The following PLOD3 variants were observed in gnomAD, a reference collection of about 807,000 sequenced individuals.
PLOD3 encodes the protein multifunctional procollagen lysine hydroxylase and glycosyltransferase LH3.
Under a neutral mutation model 96.9 loss-of-function variants are expected in PLOD3, and 73 were observed. The observed-to-expected ratio is 0.75, with a 90% CI of 0.62 to 0.92. The LOEUF (loss-of-function observed/expected upper bound fraction) is 0.92. Among genes scored for constraint, PLOD3 ranks in the 40% least tolerant of loss-of-function variants. The pLI, the probability that PLOD3 is intolerant of heterozygous loss-of-function variation, is 0.00. For synonymous variants in PLOD3, 454 were observed against 413.7 expected, an observed-to-expected ratio of 1.10 and a Z score of -1.18; for missense variants, 1,004 against 1,004.3, an observed-to-expected ratio of 1.00 and a Z score of 0.00.
chr7:101,212,263 C>A lies in PLOD3; in HGVS notation c.1117G>T (p.Asp373Tyr). Residue 373 changes from aspartate (D) to tyrosine (Y), a missense_variant, in exon 10 of 19, where the codon GAC becomes TAC. Physicochemically the swap from Asp to Tyr is radical, Grantham distance 160. Around this residue, in one of 5 missense-constraint regions of PLOD3, gnomAD observed 690 missense variants for 650.2 expected, o/e 1.06. Coordinates refer to ENST00000223127, the MANE Select transcript of PLOD3 (RefSeq NM_001084.5). ...CAAGCACCCGCTCACATGGCCATGT[C>A]CCTGGCCTCGCCTGGGCTCAGAGCC... The part of the protein sequence containing the change: ...EEALSPGEAR[D>Y]MAMDLCRQDP... 11 of 1,613,010 alleles carry A rather than the reference C, an allele frequency of 6.8e-6. No individual in the cohort carries two copies. The highest frequency in any genetic ancestry group is 9.3e-6 in the Non-Finnish European group (11 of 1,179,954).
intron 1 of PLOD3, 95 bp downstream of exon 1, chr7:101,217,071 G>A: frequency 2.3e-6 from 3 of 1,308,978 alleles, no homozygotes; most frequent in Non-Finnish European, 3.1e-6. Context: ...GGACGGGCCA[G>A]ACACCTCCTC....
rs375480680 is a variant in PLOD3, at chr7:101,210,314, G to T, written c.1614+17C>A. 12 of 1,598,478 alleles carry T rather than the reference G, an allele frequency of 7.5e-6. No homozygotes were observed. The highest frequency in any genetic ancestry group is 1.0e-5 in the Non-Finnish European group (12 of 1,166,190). On this transcript the variant is annotated intron_variant, in intron 14 of 18. Transcript: ENST00000223127. ...GGCGGGGAACCTGTGTGCTCTGGGC[G>T]TGGGGTCCCCACTCACGACGGGGTT...
At chr7:101,213,404 C>A (rs985842556) in intron 6 of PLOD3, 200 bp from the exon 7 acceptor site, 136 of 629,392 alleles carry the variant, frequency 2.2e-4, no homozygotes, top group Non-Finnish European at 3.1e-4. Flanking sequence ...CTACTACCTG[C>A]GTGATCACAC....
In PLOD3 at chr7:101,211,027, C is replaced by T. The variant is rs557148357; in HGVS notation, c.1359-354G>A. The stretch of plus-strand genomic sequence containing the variant: ...TCCCAAATAGCTGGGATTAGAGGTG[C>T]CAGCCACCATGCCCGGCTGATTTTT... On this transcript the variant is annotated intron_variant, in intron 12 of 18. Transcript: ENST00000223127. 45 of 293,746 alleles carry T rather than the reference C, an allele frequency of 1.5e-4. 1 individual carries two copies. Among genetic ancestry groups the T allele is most frequent in the African/African-American group, 9.4e-4 (43 of 45,964 alleles). 18.2% of individuals were successfully genotyped at this position (293,746 alleles called of 1,614,324 possible).
intron 18 of PLOD3, 112 bp from the exon 19 acceptor site, chr7:101,206,548 G>C: frequency 9.2e-7 from 1 of 1,089,888 alleles, no homozygotes; most frequent in Non-Finnish European, 1.4e-6. Context: ...GCAGACCGGG[G>C]TGACAAGGGA....
intron 7 of PLOD3, 22 bp from the exon 8 acceptor site, chr7:101,212,965 T>C (rs374393713): frequency 7.1e-6 from 11 of 1,558,182 alleles, no homozygotes; most frequent in Non-Finnish European, 8.9e-6. Flanking sequence ...AGACTGAGGC[T>C]GAGTGGCTGA....
intron 6 of PLOD3, among the ~76,000 whole-genome samples, chr7:101,214,807 G>A (rs766097187): frequency 2.0e-5 from 3 of 152,054 alleles, no homozygotes; most frequent in African/African-American, 4.8e-5. Flanking sequence ...ACTGCACTCC[G>A]GCCCGGGCAA....
At position 101,210,105 on chromosome 7, in the gene PLOD3, T is replaced by C; in HGVS notation, c.1671A>G (p.Gly557=). ...ENYSRALEGE[G]IVEQPCPDVY... is the part of the protein sequence containing the mutation. ...TGCGTGGGCTCACCTGCTCCACGAT[T>C]CCTTCCCCTTCCAGGGCCCGGCTGT... Residue 557 remains glycine, a synonymous_variant, in exon 15 of 19, where the codon GGA becomes GGG. Transcript: ENST00000223127. 2 of 1,599,744 alleles carry C rather than the reference T, an allele frequency of 1.3e-6. No homozygotes were observed. Among genetic ancestry groups the C allele is most frequent in the Non-Finnish European group, 1.7e-6 (2 of 1,173,334 alleles).
At chr7:101,209,890 T>C (rs746117352) in intron 15 of PLOD3, 2 of 574,916 alleles carry the variant, frequency 3.5e-6, no homozygotes, top group Non-Finnish European at 6.2e-6. Context: ...GTATACCCAA[T>C]ATACAGGAGA....
In PLOD3 at chr7:101,216,192, C is replaced by A; in HGVS notation, c.473G>T (p.Gly158Val). Residue 158 changes from glycine (G) to valine (V), a missense_variant, in exon 4 of 19, where the codon GGC becomes GTC. Gly to Val is a moderately radical substitution (Grantham distance 109, BLOSUM62 -3). Around this residue, in one of 5 missense-constraint regions of PLOD3, gnomAD observed 690 missense variants for 650.2 expected, o/e 1.06. Coordinates refer to ENST00000223127, the MANE Select transcript of PLOD3 (RefSeq NM_001084.5). ...WGLAEQYPEV[G>V]TGKRFLNSGG... is the part of the protein sequence containing the mutation. ...AGAATTGAGGAAGCGCTTCCCCGTG[C>A]CCACCTCAGGGTACTGCTCCGCCAG... The A allele has an allele frequency of 6.2e-7, 1 of 1,614,046 alleles. No homozygotes were observed.
intron 7 of PLOD3, 64 bp from the exon 8 acceptor site, chr7:101,213,007 C>A: frequency 7.0e-7 from 1 of 1,423,170 alleles, no homozygotes; most frequent in Non-Finnish European, 9.9e-7. Context: ...GGGTCAGGCA[C>A]CTCTGATATG....
chr7:101,216,302 G>T lies in PLOD3; in HGVS notation c.363C>A (p.Ser121Arg). 1.2e-6 allele frequency: 2 copies of T among 1,613,304 alleles called. No homozygotes were observed. Among genetic ancestry groups the T allele is most frequent in the East Asian group, 2.2e-5 (1 of 44,872 alleles). ...CGAACTTCTTCAGCAGCTCTGTGGG[G>T]CTGCCGGCCAGAATCACGTCGTAGC... ...VDSYDVILAG[S>R]PTELLKKFVQ... The change falls in exon 4 of 19, where the codon AGC (serine) becomes AGA (arginine). Residue 121 changes from serine to arginine, a missense_variant. Ser to Arg is a moderately radical substitution (Grantham distance 110). This residue lies in a region of PLOD3 where 690 missense variants were observed against 650.2 expected (regional missense o/e 1.06). Coordinates refer to ENST00000223127, the MANE Select transcript of PLOD3 (RefSeq NM_001084.5).
In PLOD3 at chr7:101,212,846, C is replaced by T. The variant is rs751775730; in HGVS notation, c.875G>A (p.Gly292Glu). Reference sequence around the variant, plus strand: ...TCCCTGGCACCCCCACCTCACCTGCCCCCCCGGGAGTGTCCTCCGGTCCTG... The same window carrying T: ...TCCCTGGCACCCCCACCTCACCTGCTCCCCCGGGAGTGTCCTCCGGTCCTG... The part of the protein sequence containing the change: ...CNQDRRTLPG[G>E]QPPPRVFLAV... Residue 292 changes from glycine to glutamate, a missense_variant, in exon 8 of 19, where the codon GGG becomes GAG. By Grantham distance (98) the Gly-to-Glu change is moderately conservative (BLOSUM62 -2). Transcript: ENST00000223127. The T allele has an allele frequency of 7.4e-6, 12 of 1,610,816 alleles. No homozygotes were observed. Among genetic ancestry groups the T allele is most frequent in the Non-Finnish European group, 9.3e-6 (11 of 1,177,590 alleles).
chr7:101,216,617 C>T (rs888158737), intron 2 of PLOD3, 71 bp from the exon 3 acceptor site: 45 of 1,609,916 alleles, frequency 2.8e-5, no homozygotes, highest in Middle Eastern at 1.7e-4. Context: ...CCAGGCTTAC[C>T]GTGGGGACCT....
intron 15 of PLOD3, among the ~76,000 whole-genome samples, chr7:101,209,262 A>T (rs1487343953): frequency 6.6e-6 from 1 of 151,046 alleles, no homozygotes; most frequent in Non-Finnish European, 1.5e-5. Flanking sequence ...GCTGGAGTGC[A>T]GTGGCACAAT....
At chr7:101,213,348 A>G (rs992238125) in intron 6 of PLOD3, 144 bp from the exon 7 acceptor site, 1 of 707,206 alleles carries the variant, frequency 1.4e-6, no homozygotes, top group East Asian at 2.7e-5. Context: ...TGTGGGCAGG[A>G]ACCTTTGGGT....
At chr7:101,213,452 G>A (rs543997081) in intron 6 of PLOD3, 6 of 564,794 alleles carry the variant, frequency 1.1e-5, no homozygotes, top group South Asian at 4.1e-5. Flanking sequence ...AGCTGAGCGG[G>A]AGGCCAGTAG....
chr7:101,207,859 C>T, intron 16 of PLOD3, 135 bp from the exon 17 acceptor site: 1 of 956,710 alleles, frequency 1.0e-6, no homozygotes, highest in Non-Finnish European at 1.6e-6. Flanking sequence ...TTCTTTGCTA[C>T]TTCTCGGCCT....
At chr7:101,215,854 A>T (rs1398766362) in intron 5 of PLOD3, 54 bp downstream of exon 5, 1 of 1,213,572 alleles carries the variant, frequency 8.2e-7, no homozygotes, top group Non-Finnish European at 1.2e-6. Context: ...ATTCAGCCTG[A>T]GGCCTCCACT....
Sources: allele counts gnomAD v4.1 joint callset (sites outside exome capture counted in the v4.1 genomes callset), GRCh38; gene constraint gnomAD v4.1.1; regional missense constraint gnomAD v4.1.1; transcripts MANE v1.5; gene names NCBI Gene and HGNC (gene_info 2026-07-23, HGNC 2026-07-21).